Variants in TAB1 observed in about 807,000 individuals in gnomAD.
TAB1 encodes the protein TGF-beta-activated kinase 1 and MAP3K7-binding protein 1.
Under a neutral mutation model 54.5 loss-of-function variants are expected in TAB1, and 30 were observed. The ratio of observed to expected loss-of-function variants is 0.55; its 90% CI spans 0.41 to 0.75. The LOEUF is 0.75. Ranked by LOEUF, TAB1 falls within the 30% of genes least tolerant of loss-of-function variation. The probability of loss-of-function intolerance (pLI) is 0.00; values close to 1 mark genes in which losing one functional copy is unlikely to be tolerated. For missense variants in TAB1, 609 were observed against 683.2 expected (o/e 0.89, Z 1.21); for synonymous variants, 289 against 286.9 (o/e 1.01, Z -0.07).
In TAB1 at chr22:39,415,204, G is replaced by C; in HGVS notation, c.170+62G>C. On this transcript the variant is annotated intron_variant, in intron 2 of 10. Transcript: ENST00000216160. The surrounding 1 kb of genome is among the most constrained non-coding windows in gnomAD (Gnocchi z 4.9). Reference sequence around the variant, plus strand: ...GTTGGTTGGTTTGCAAGCAAGGAAAGACACCGACCTTGCAGCTTTCTCGTA... The same window carrying C: ...GTTGGTTGGTTTGCAAGCAAGGAAACACACCGACCTTGCAGCTTTCTCGTA... The C allele has an allele frequency of 6.6e-7, 1 of 1,520,812 alleles. No homozygotes were observed. The highest frequency in any genetic ancestry group is 1.3e-5 in the South Asian group (1 of 77,214). The allele number at this position is 1,520,812 out of a possible 1,614,324, so 94.2% of individuals were successfully genotyped here.
At chr22:39,405,587 T>G (rs1926326761) in intron 1 of TAB1, among the ~76,000 whole-genome samples, 2 of 147,440 alleles carry the variant, frequency 1.4e-5, no homozygotes, top group Admixed American at 6.9e-5. Flanking sequence ...TTTGGGGGCG[T>G]GGGAGAAAGT....
intron 1 of TAB1, among the ~76,000 whole-genome samples, chr22:39,412,440 C>T (rs1241647646): frequency 6.6e-6 from 1 of 152,086 alleles, no homozygotes; most frequent in Non-Finnish European, 1.5e-5. Flanking sequence ...GCCCTGTATC[C>T]TGAGAGTGGT....
chr22:39,424,438 C>CTTTTTTTTTTTTTTT (rs762665225), intron 8 of TAB1, among the ~76,000 whole-genome samples: 23 of 89,470 alleles, frequency 2.6e-4, no homozygotes, highest in East Asian at 3.7e-4. Context: ...GTTCTGATTT[C>CTTTTTTTTTTTTTTT]TTTTTTTTTT....
At position 39,415,648 on chromosome 22, in the gene TAB1, C is replaced by A. The variant is rs780800825; in HGVS notation, c.319C>A (p.Leu107Met). 6.2e-7 allele frequency: 1 copy of A among 1,608,398 alleles called. No homozygotes were observed. Among genetic ancestry groups the A allele is most frequent in the Non-Finnish European group, 8.5e-7 (1 of 1,179,330 alleles). The change falls in exon 3 of 11, where the codon CTG (leucine) becomes ATG (methionine). Residue 107 changes from leucine (L) to methionine (M), a missense_variant. Coordinates refer to ENST00000216160, the MANE Select transcript of TAB1 (RefSeq NM_006116.3). The surrounding 1 kb of genome is among the most constrained non-coding windows in gnomAD (Gnocchi z 4.9). ...HAEADVRRVLLQAFDVVERSF... is the reference protein window; with the variant it reads ...HAEADVRRVLMQAFDVVERSF... The stretch of plus-strand genomic sequence containing the variant: ...CGAGGCCGATGTGCGGCGTGTGCTG[C>A]TGCAGGTAATGGTGCCGGGGCCAAC...
chr22:39,405,534 T>TGCGCTCCA, intron 1 of TAB1, among the ~76,000 whole-genome samples: 1 of 152,208 alleles, frequency 6.6e-6, no homozygotes, highest in South Asian at 2.1e-4. Context: ...TCTTGCTCCC[T>TGCGCTCCA]GCGCTCCAGC....
intron 1 of TAB1, among the ~76,000 whole-genome samples, chr22:39,411,082 T>C (rs1298933292): frequency 6.6e-6 from 1 of 152,052 alleles, no homozygotes; most frequent in Admixed American, 6.6e-5. Context: ...CAACAAATGG[T>C]GTTGGAATGA....
At chr22:39,420,924 G>GTT (rs1287895595) in intron 7 of TAB1, among the ~76,000 whole-genome samples, 3 of 145,330 alleles carry the variant, frequency 2.1e-5, no homozygotes, top group Non-Finnish European at 4.6e-5. Context: ...GTGTGTGTGT[G>GTT]TGTTTGTCCT....
intron 1 of TAB1, 143 bp downstream of exon 1, chr22:39,399,978 G>T (rs1926059341): frequency 8.2e-6 from 8 of 970,758 alleles, no homozygotes; most frequent in Non-Finnish European, 1.1e-5. Flanking sequence ...CTCTCCTCGG[G>T]CTGGCCCCCT....
At chr22:39,428,918 G>A (rs1568987729) in intron 10 of TAB1, among the ~76,000 whole-genome samples, 1 of 152,246 alleles carries the variant, frequency 6.6e-6, no homozygotes, top group Admixed American at 6.5e-5. Context: ...TGGATGCTGC[G>A]ACTGCTGCCA....
At chr22:39,416,616 G>A in intron 3 of TAB1, 175 bp from the exon 4 acceptor site, 1 of 646,796 alleles carries the variant, frequency 1.5e-6, no homozygotes, top group South Asian at 1.8e-5. Flanking sequence ...TCTGCAGGAA[G>A]CAGCCGGTGC....
chr22:39,427,883 C>T (rs972226553), intron 9 of TAB1, 138 bp from the exon 10 acceptor site: 2 of 804,482 alleles, frequency 2.5e-6, no homozygotes, highest in East Asian at 2.8e-5. Context: ...CCCCACTGGG[C>T]TTGGGGAGCC....
chr22:39,410,467 G>C (rs192790387), intron 1 of TAB1, among the ~76,000 whole-genome samples: 1 of 150,836 alleles, frequency 6.6e-6, no homozygotes, highest in African/African-American at 2.4e-5. Context: ...CTGGTGTCAT[G>C]AGGAGCTGAG....
At chr22:39,418,309 G>A (rs888014669) in intron 5 of TAB1, among the ~76,000 whole-genome samples, 9 of 152,226 alleles carry the variant, frequency 5.9e-5, no homozygotes, top group Non-Finnish European at 7.4e-5. Context: ...TAATACTCCA[G>A]TGGAAAATTT....
In TAB1 at chr22:39,418,803, A is replaced by G; in HGVS notation, c.622A>G (p.Thr208Ala). The G allele has an allele frequency of 6.2e-7, 1 of 1,614,194 alleles. No homozygotes were observed. Among genetic ancestry groups the G allele is most frequent in the South Asian group, 1.1e-5 (1 of 91,086 alleles). Residue 208 changes from threonine (T) to alanine (A), a missense_variant, in exon 6 of 11, where the codon ACC becomes GCC. Thr to Ala is a moderately conservative substitution (Grantham distance 58). Transcript: ENST00000216160. ...LQVTQLNVDH[T>A]TENEDELFRL... is the part of the protein sequence containing the mutation. Reference sequence around the variant, plus strand: ...GGTGACACAGCTGAACGTGGACCACACCACAGAGAACGAGGATGAGCTCTT... The same window carrying G: ...GGTGACACAGCTGAACGTGGACCACGCCACAGAGAACGAGGATGAGCTCTT...
intron 1 of TAB1, among the ~76,000 whole-genome samples, chr22:39,402,892 C>A (rs1297757412): frequency 1.3e-5 from 2 of 152,186 alleles, no homozygotes; most frequent in African/African-American, 2.4e-5. Flanking sequence ...TTCAAAAGGA[C>A]CCAGACCTTT....
intron 8 of TAB1, among the ~76,000 whole-genome samples, chr22:39,426,310 A>T (rs944518198): frequency 2.0e-5 from 3 of 152,250 alleles, no homozygotes; most frequent in Non-Finnish European, 2.9e-5. Flanking sequence ...CCTAGCATGT[A>T]TAACATCGCC....
At chr22:39,414,836 C>G (rs1926753013) in intron 1 of TAB1, 170 bp from the exon 2 acceptor site, 7 of 666,326 alleles carry the variant, frequency 1.1e-5, no homozygotes, top group Non-Finnish European at 1.7e-5. Context: ...AAACAGCAAA[C>G]CCTTCTGCAG....
chr22:39,435,396 A>G (rs951378618), downstream of TAB1, among the ~76,000 whole-genome samples: 1 of 151,542 alleles, frequency 6.6e-6, no homozygotes, highest in Admixed American at 6.6e-5. Context: ...GAAACTCTCC[A>G]CTGCTCAGGG....
At chr22:39,422,118 C>A in intron 8 of TAB1, 147 bp downstream of exon 8, 1 of 832,266 alleles carries the variant, frequency 1.2e-6, no homozygotes, top group Non-Finnish European at 1.7e-6. Flanking sequence ...AATCCCAGAG[C>A]TCTGAAAACA....
Sources: allele counts gnomAD v4.1 joint callset (sites outside exome capture counted in the v4.1 genomes callset), GRCh38; gene constraint gnomAD v4.1.1; non-coding constraint Gnocchi (gnomAD v3.1); transcripts MANE v1.5; gene names NCBI Gene and HGNC (gene_info 2026-07-23, HGNC 2026-07-21).